HGD: variants seen among roughly 807,000 people sequenced by gnomAD.
HGD encodes the protein homogentisate 1,2-dioxygenase, also known as homogentisate oxidase.
In HGD, 61 loss-of-function variants were observed where a neutral mutation model predicts 60.8. That is an observed-to-expected ratio of 1.00 (90% CI 0.82 to 1.24). The LOEUF (loss-of-function observed/expected upper bound fraction) is 1.24, where lower values mean the gene tolerates loss of function less well. Among genes scored for constraint, HGD ranks in the 50% most tolerant of loss-of-function variants. The pLI is 0.00. For synonymous variants in HGD, 212 were observed against 187.7 expected, an observed-to-expected ratio of 1.13 and a Z score of -1.06; for missense variants, 542 against 547.1, an observed-to-expected ratio of 0.99 and a Z score of 0.09.
chr3:120,633,543 A>G (rs1002822555), intron 12 of HGD: 9 of 1,486,164 alleles, frequency 6.1e-6, no homozygotes, highest in African/African-American at 1.4e-5. Context: ...GGCCATGTGG[A>G]TTATCAGAGG....
intron 10 of HGD, 97 bp from the exon 11 acceptor site, chr3:120,641,790 A>G (rs1350078746): frequency 7.1e-6 from 6 of 850,030 alleles, no homozygotes; most frequent in Non-Finnish European, 1.0e-5. Context: ...TCTTCTTTTG[A>G]TTTGATTTTG....
At chr3:120,662,248 G>A (rs3821356) in intron 4 of HGD, among the ~76,000 whole-genome samples, 37,244 of 151,944 alleles carry the variant, frequency 0.25, 4,749 homozygotes, top group Middle Eastern at 0.35. Flanking sequence ...TTTTTGAGAT[G>A]ATAATTTAGC....
chr3:120,640,106 A>T (rs1940919757), intron 11 of HGD, among the ~76,000 whole-genome samples: 1 of 151,328 alleles, frequency 6.6e-6, no homozygotes, highest in South Asian at 2.1e-4. Context: ...AAGAATGAAC[A>T]GAAAGAAAGA....
At position 120,628,351 on chromosome 3, in the gene HGD, C is replaced by T. The variant is rs983135078; in HGVS notation, c.*29G>A. 6.2e-7 allele frequency: 1 copy of T among 1,610,132 alleles called. No homozygotes were observed. Among genetic ancestry groups the T allele is most frequent in the South Asian group, 1.1e-5 (1 of 91,004 alleles). On this transcript the variant is annotated 3_prime_UTR_variant, in exon 14 of 14. Transcript: ENST00000283871. ...TTCTGAAGAAATCTTCACAAATCTA[C>T]TCTTAATTATGGTAGCAATGTTCCA...
intron 13 of HGD, among the ~76,000 whole-genome samples, chr3:120,631,150 G>A (rs1169486331): frequency 2.0e-5 from 3 of 151,818 alleles, no homozygotes; most frequent in African/African-American, 4.8e-5. Context: ...CCCGAGTGAT[G>A]AAATAATCTG....
chr3:120,638,335 C>T, intron 12 of HGD, 120 bp downstream of exon 12: 2 of 1,223,064 alleles, frequency 1.6e-6, no homozygotes, highest in East Asian at 2.3e-5. Flanking sequence ...GCAGCAGGAT[C>T]CTGAATTCAT....
chr3:120,677,339 T>A (rs988138666), intron 1 of HGD, among the ~76,000 whole-genome samples: 3 of 152,186 alleles, frequency 2.0e-5, no homozygotes, highest in Non-Finnish European at 4.4e-5. Flanking sequence ...ATCGCTGAAT[T>A]CTTTTTCTCA....
At chr3:120,661,026 T>G (rs1488240161) in intron 4 of HGD, among the ~76,000 whole-genome samples, 2 of 152,158 alleles carry the variant, frequency 1.3e-5, no homozygotes, top group Admixed American at 6.5e-5. Context: ...TCTCTGAGGC[T>G]CCCTATGATT....
intron 1 of HGD, among the ~76,000 whole-genome samples, chr3:120,678,478 C>T (rs577266676): frequency 6.6e-6 from 1 of 152,328 alleles, no homozygotes; most frequent in East Asian, 1.9e-4. Context: ...CATTAACCTT[C>T]CCCATTCTTT....
At chr3:120,632,022 G>A (rs1940607791) in intron 13 of HGD, among the ~76,000 whole-genome samples, 1 of 152,194 alleles carries the variant, frequency 6.6e-6, no homozygotes, top group Non-Finnish European at 1.5e-5. Flanking sequence ...GGAGACTTCA[G>A]AGGTAATAGC....
intron 4 of HGD, among the ~76,000 whole-genome samples, chr3:120,663,028 G>C (rs1184746716): frequency 6.6e-6 from 1 of 152,112 alleles, no homozygotes; most frequent in Non-Finnish European, 1.5e-5. Flanking sequence ...AATGAGAGAG[G>C]CCTCAGAAGA....
chr3:120,681,965 A>G, intron 1 of HGD, 132 bp downstream of exon 1: 2 of 821,118 alleles, frequency 2.4e-6, no homozygotes, highest in Non-Finnish European at 4.3e-6. Context: ...CACCACAGGG[A>G]AGCCTCTGAA....
chr3:120,651,476 G>A (rs139700481), intron 5 of HGD, among the ~76,000 whole-genome samples: 5 of 152,246 alleles, frequency 3.3e-5, no homozygotes, highest in South Asian at 2.1e-4. Flanking sequence ...AGAGCTCTGC[G>A]CCTCCAGATA....
rs374040969 is a variant in HGD at position 120,670,548 on chromosome 3, T to C, written c.177-16A>G. On this transcript the variant is annotated splice_polypyrimidine_tract_variant and intron_variant, in intron 3 of 13. Coordinates refer to ENST00000283871, the MANE Select transcript of HGD (RefSeq NM_000187.4). Reference sequence around the variant, plus strand: ...ATACAGCCAGCTAGAGGGAAAAACATACAAGATATACAAGCCTTAGAGTAA... The same window carrying C: ...ATACAGCCAGCTAGAGGGAAAAACACACAAGATATACAAGCCTTAGAGTAA... The C allele has an allele frequency of 2.6e-5, 34 of 1,296,160 alleles. No individual in the cohort carries two copies. The African/African-American group carries it at 3.7e-4, about 14-fold the overall frequency. The allele number at this position is 1,296,160 out of a possible 1,614,324, so 80.3% of individuals were successfully genotyped here. A position where few individuals can be genotyped will look rare whatever the true frequency, so the allele number is the denominator to read the frequency against.
intron 3 of HGD, among the ~76,000 whole-genome samples, chr3:120,673,745 G>A (rs4676819): frequency 0.24 from 36,168 of 152,120 alleles, 4,852 homozygotes; most frequent in African/African-American, 0.36. Context: ...AATACTTAAT[G>A]ATAGTTATCA....
intron 10 of HGD, among the ~76,000 whole-genome samples, chr3:120,642,612 A>G (rs1296535613): frequency 2.0e-5 from 3 of 152,234 alleles, no homozygotes; most frequent in African/African-American, 4.8e-5. Context: ...AGCTACCAGT[A>G]TGACATCAAC....
At chr3:120,655,116 A>T (rs529779996) in intron 4 of HGD, among the ~76,000 whole-genome samples, 1 of 152,150 alleles carries the variant, frequency 6.6e-6, no homozygotes, top group African/African-American at 2.4e-5. Context: ...CAAACAAACA[A>T]ACAAAAACCT....
chr3:120,650,921 G>C (rs140029197), intron 5 of HGD, 56 bp from the exon 6 acceptor site: 3 of 1,314,484 alleles, frequency 2.3e-6, no homozygotes, highest in Non-Finnish European at 3.3e-6. Flanking sequence ...CCAAGAGGCA[G>C]CCCTTCCACT....
At chr3:120,641,472 T>C (rs990258379) in intron 11 of HGD, 117 bp downstream of exon 11, 12 of 774,738 alleles carry the variant, frequency 1.5e-5, no homozygotes, top group Non-Finnish European at 2.6e-5. Flanking sequence ...TGACTATATC[T>C]AGGGCTTCCA....
Sources: gnomAD v4.1 joint callset for allele counts (sites outside exome capture counted in the v4.1 genomes callset) on GRCh38, gnomAD v4.1.1 for gene constraint, MANE v1.5 for transcripts, NCBI Gene and HGNC (gene_info 2026-07-23, HGNC 2026-07-21) for gene names.